HS6ST3: variants seen among roughly 807,000 people sequenced by gnomAD.
HS6ST3 encodes heparan-sulfate 6-O-sulfotransferase 3.
HS6ST3 carries 12 observed loss-of-function variants against 36.7 expected under a neutral mutation model. The observed-to-expected ratio is 0.33, with a 90% CI of 0.21 to 0.53. HS6ST3 has a LOEUF of 0.53. Ranked by LOEUF, HS6ST3 falls within the 20% of genes least tolerant of loss-of-function variation. The pLI is 0.95. For missense variants in HS6ST3, 584 were observed against 640.9 expected, an observed-to-expected ratio of 0.91 and a Z score of 0.96; for synonymous variants, 240 against 257.5, an observed-to-expected ratio of 0.93 and a Z score of 0.65.
chr13:96,132,839 A>G (rs1052816730), intron 1 of HS6ST3, among the ~76,000 whole-genome samples: 1 of 152,028 alleles, frequency 6.6e-6, no homozygotes, highest in African/African-American at 2.4e-5. Flanking sequence ...GTAATATCTC[A>G]TTGTGGCTTT....
intron 1 of HS6ST3, among the ~76,000 whole-genome samples, chr13:96,653,256 A>G (rs1173554869): frequency 6.6e-6 from 1 of 151,962 alleles, no homozygotes. Flanking sequence ...CATGTGCAGA[A>G]TGTGTAGGTT....
chr13:96,533,533 A>G (rs993653696), intron 1 of HS6ST3, among the ~76,000 whole-genome samples: 3 of 152,208 alleles, frequency 2.0e-5, no homozygotes, highest in Non-Finnish European at 2.9e-5. Context: ...AGCAAATTTA[A>G]TCACAGCCAG....
intron 1 of HS6ST3, among the ~76,000 whole-genome samples, chr13:96,702,125 G>C (rs1475519308): frequency 6.6e-6 from 1 of 152,248 alleles, no homozygotes; most frequent in African/African-American, 2.4e-5. Flanking sequence ...CGTATCGATG[G>C]AGTTACATAT....
intron 1 of HS6ST3, among the ~76,000 whole-genome samples, chr13:96,433,233 G>T (rs964407002): frequency 1.3e-5 from 2 of 152,154 alleles, no homozygotes; most frequent in African/African-American, 4.8e-5. Context: ...TTAGGCAGGG[G>T]AGAAGATAGA....
chr13:96,389,948 GA>G, intron 1 of HS6ST3, among the ~76,000 whole-genome samples: 1 of 152,160 alleles, frequency 6.6e-6, no homozygotes. Flanking sequence ...AAGCCAATAA[GA>G]GGTCACCAAA....
intron 1 of HS6ST3, among the ~76,000 whole-genome samples, chr13:96,166,885 A>C (rs1043439014): frequency 6.6e-6 from 1 of 152,018 alleles, no homozygotes; most frequent in Non-Finnish European, 1.5e-5. Flanking sequence ...CATGATAGTG[A>C]GTGAGTTCTC....
chr13:96,339,897 C>G (rs1158114057), intron 1 of HS6ST3, among the ~76,000 whole-genome samples: 1 of 152,162 alleles, frequency 6.6e-6, no homozygotes, highest in Non-Finnish European at 1.5e-5. Context: ...GGCAGACGAT[C>G]AAGAAATTAT....
At chr13:96,481,961 T>C (rs1566373459) in intron 1 of HS6ST3, among the ~76,000 whole-genome samples, 1 of 152,178 alleles carries the variant, frequency 6.6e-6, no homozygotes, top group African/African-American at 2.4e-5. Flanking sequence ...TCTGTCCTCT[T>C]CGCAACGTGC....
intron 1 of HS6ST3, among the ~76,000 whole-genome samples, chr13:96,679,268 C>T (rs1262377944): frequency 1.3e-5 from 2 of 151,400 alleles, no homozygotes; most frequent in Non-Finnish European, 1.5e-5. Flanking sequence ...TCGTAGTATC[C>T]TAATATAACA....
chr13:96,774,022 A>G (rs2138509303), intron 1 of HS6ST3, among the ~76,000 whole-genome samples: 1 of 152,320 alleles, frequency 6.6e-6, no homozygotes, highest in East Asian at 1.9e-4. Flanking sequence ...TCCTCTGGTG[A>G]TACCCAGGCA....
At chr13:96,597,450 T>G (rs1434622867) in intron 1 of HS6ST3, among the ~76,000 whole-genome samples, 1 of 152,080 alleles carries the variant, frequency 6.6e-6, no homozygotes, top group Non-Finnish European at 1.5e-5. Flanking sequence ...ATTTTTCATA[T>G]TTTTTGCCAT....
At chr13:96,604,131 T>G (rs968991602) in intron 1 of HS6ST3, among the ~76,000 whole-genome samples, 1 of 152,150 alleles carries the variant, frequency 6.6e-6, no homozygotes, top group Admixed American at 6.5e-5. Flanking sequence ...AAGAAGTAGT[T>G]TGAGAAATCA....
chr13:96,658,586 T>TC (rs71117605), intron 1 of HS6ST3, among the ~76,000 whole-genome samples: 145,321 of 151,850 alleles, frequency 0.96, 69,753 homozygotes, highest in East Asian at 1. Flanking sequence ...CCTGGCCGTA[T>TC]CTTTCTTCTA....
Position 96,833,471 on chromosome 13 carries a change from A to G in HS6ST3, c.*273A>G. On this transcript the variant is annotated 3_prime_UTR_variant, in exon 2 of 2. Transcript: ENST00000376705. ...AGAAGGCCAAGGAGAGCCACACCGA[A>G]AAAGGAGACAGTTCCTGTGATCTCC... 1 of 357,246 alleles carries G rather than the reference A, an allele frequency of 2.8e-6. No homozygotes were observed. The highest frequency in any genetic ancestry group is 5.1e-6 in the Non-Finnish European group (1 of 197,850). The allele number at this position is 357,246 out of a possible 1,614,324, so 22.1% of individuals were successfully genotyped here.
intron 1 of HS6ST3, among the ~76,000 whole-genome samples, chr13:96,164,669 T>A (rs889604128): frequency 3.3e-5 from 5 of 152,184 alleles, no homozygotes; most frequent in African/African-American, 1.2e-4. Flanking sequence ...ATATGGTACC[T>A]TTGCCCTAGG....
intron 1 of HS6ST3, among the ~76,000 whole-genome samples, chr13:96,534,653 G>C (rs910081075): frequency 6.6e-6 from 1 of 152,128 alleles, no homozygotes; most frequent in Non-Finnish European, 1.5e-5. Context: ...AAAGCCACAG[G>C]TGCAGGAACA....
At chr13:96,373,374 G>A (rs528302985) in intron 1 of HS6ST3, among the ~76,000 whole-genome samples, 1 of 152,196 alleles carries the variant, frequency 6.6e-6, no homozygotes, top group South Asian at 2.1e-4. Context: ...TCCAATATCT[G>A]GAGACCATGC....
intron 1 of HS6ST3, among the ~76,000 whole-genome samples, chr13:96,783,900 G>A (rs1046811043): frequency 2.0e-5 from 3 of 151,900 alleles, no homozygotes; most frequent in Non-Finnish European, 2.9e-5. Context: ...AAACTCTCAC[G>A]GTGCTGCACC....
intron 1 of HS6ST3, among the ~76,000 whole-genome samples, chr13:96,777,357 G>A (rs2224881): frequency 0.085 from 12,985 of 152,146 alleles, 658 homozygotes; most frequent in East Asian, 0.24. Flanking sequence ...GAAATAAAGC[G>A]TATTCAAATA....
Sources: gnomAD v4.1 joint callset for allele counts (sites outside exome capture counted in the v4.1 genomes callset) on GRCh38, gnomAD v4.1.1 for gene constraint, MANE v1.5 for transcripts, NCBI Gene and HGNC (gene_info 2026-07-23, HGNC 2026-07-21) for gene names.